Variants in MDGA1 observed in about 807,000 individuals in gnomAD.
MDGA1 encodes MAM domain-containing glycosylphosphatidylinositol anchor protein 1.
Under a neutral mutation model 101.5 loss-of-function variants are expected in MDGA1, and 54 were observed. The ratio of observed to expected loss-of-function variants is 0.53; its 90% CI spans 0.43 to 0.67. The LOEUF is 0.67. MDGA1 is among the 30% of genes least tolerant of loss of function. The pLI, the probability that MDGA1 is intolerant of heterozygous loss-of-function variation, is 0.00. For missense variants in MDGA1, 1,083 were observed against 1,323.8 expected (o/e 0.82, Z 2.82); for synonymous variants, 533 against 558.3 (o/e 0.95, Z 0.64).
chr6:37,681,053 G>T (rs931182115), intron 1 of MDGA1, among the ~76,000 whole-genome samples: 2 of 152,200 alleles, frequency 1.3e-5, no homozygotes, highest in Non-Finnish European at 2.9e-5. Flanking sequence ...TGGCATGGGG[G>T]GTTAAGGGGG....
At chr6:37,656,019 G>T in intron 3 of MDGA1, 123 bp from the exon 4 acceptor site, 1 of 724,084 alleles carries the variant, frequency 1.4e-6, no homozygotes, top group Non-Finnish European at 2.2e-6. Context: ...ATTGCCAGAT[G>T]CCCTCTCAGC....
chr6:37,638,521 G>C lies in MDGA1; in HGVS notation c.2667+16C>G. Reference sequence around the variant, plus strand: ...CACCGAAGCCGGGGAGGGTCCTCTGGGCCCTACGGACTCACCTGGAAGGGC... The same window carrying C: ...CACCGAAGCCGGGGAGGGTCCTCTGCGCCCTACGGACTCACCTGGAAGGGC... On this transcript the variant is annotated intron_variant, in intron 15 of 16. Coordinates refer to ENST00000434837, the MANE Select transcript of MDGA1 (RefSeq NM_153487.4). The surrounding 1 kb of genome is among the most constrained non-coding windows in gnomAD (Gnocchi z 4.8). 6.2e-7 allele frequency: 1 copy of C among 1,613,578 alleles called. No individual in the cohort carries two copies. The highest frequency in any genetic ancestry group is 1.1e-5 in the South Asian group (1 of 91,072).
chr6:37,657,992 G>A (rs1761530218), intron 3 of MDGA1, among the ~76,000 whole-genome samples: 1 of 152,234 alleles, frequency 6.6e-6, no homozygotes, highest in Non-Finnish European at 1.5e-5. Flanking sequence ...ATCTGCAGAA[G>A]GAGTGTAAAT....
chr6:37,658,832 G>A (rs1177771020), intron 2 of MDGA1, among the ~76,000 whole-genome samples: 7 of 152,006 alleles, frequency 4.6e-5, no homozygotes, highest in African/African-American at 9.7e-5. Flanking sequence ...TTAGCCGGGC[G>A]TTATGGCGCG....
At chr6:37,673,181 G>A (rs1021496808) in intron 1 of MDGA1, among the ~76,000 whole-genome samples, 9 of 152,146 alleles carry the variant, frequency 5.9e-5, no homozygotes, top group Admixed American at 2.6e-4. Flanking sequence ...CATGCTAACC[G>A]CCATGCATTT....
At chr6:37,640,163 T>A (rs1764032168) in intron 14 of MDGA1, among the ~76,000 whole-genome samples, 1 of 151,964 alleles carries the variant, frequency 6.6e-6, no homozygotes, top group Admixed American at 6.6e-5. Flanking sequence ...GGAGGTGGTG[T>A]TTTTGACAGC....
chr6:37,645,996 G>A (rs2114009073), intron 11 of MDGA1, 40 bp from the exon 12 acceptor site: 2 of 1,613,910 alleles, frequency 1.2e-6, no homozygotes, highest in Middle Eastern at 1.6e-4. Context: ...GAACTGAGGT[G>A]TGGGGCTCTG....
intron 3 of MDGA1, among the ~76,000 whole-genome samples, chr6:37,657,159 T>A (rs78100117): frequency 6.6e-6 from 1 of 151,018 alleles, no homozygotes; most frequent in Non-Finnish European, 1.5e-5. Context: ...ATCCTCACTT[T>A]AAAAAAATAA....
rs1349172807 is a variant in MDGA1 at position 37,697,060 on chromosome 6, C to T, written c.-249G>A. 1.0e-5 allele frequency: 4 copies of T among 392,350 alleles called. No homozygotes were observed. The highest frequency in any genetic ancestry group is 1.3e-5 in the Non-Finnish European group (3 of 223,170). The allele number at this position is 392,350 out of a possible 1,614,324, so 24.3% of individuals were successfully genotyped here. On this transcript the variant is annotated 5_prime_UTR_variant, in exon 1 of 17. Transcript: ENST00000434837. The stretch of plus-strand genomic sequence containing the variant: ...CCAGCCCCGGGTGCCTCGGCGCGCC[C>T]GGCACAGCAGCCAGCGCCCCGACCC...
At chr6:37,664,352 T>C (rs1320488199) in intron 1 of MDGA1, 3 of 498,910 alleles carry the variant, frequency 6.0e-6, no homozygotes, top group African/African-American at 1.9e-5. Context: ...TGCTTTTCAG[T>C]GGGCTGATTG....
intron 2 of MDGA1, among the ~76,000 whole-genome samples, chr6:37,662,254 G>A (rs1350884575): frequency 6.6e-6 from 1 of 151,984 alleles, no homozygotes; most frequent in East Asian, 1.9e-4. Flanking sequence ...CGACAGGACT[G>A]ATAGGCTGAC....
chr6:37,675,369 C>A (rs1014638932), intron 1 of MDGA1, among the ~76,000 whole-genome samples: 1 of 152,192 alleles, frequency 6.6e-6, no homozygotes, highest in African/African-American at 2.4e-5. Context: ...TTCGATGAGA[C>A]AATGCACATC....
rs80144359 is a variant in MDGA1 at position 37,631,378 on chromosome 6, T to C, written c.*5990A>G. On this transcript the variant is annotated 3_prime_UTR_variant, in exon 17 of 17. Transcript: ENST00000434837. ...AGTCCCTTAGACCCTTCCTCTTCCA[T>C]TAGAAAAGAAAGGCCAGGTGTGCCA... 8 of 152,174 alleles carry C rather than the reference T, an allele frequency of 5.3e-5. No individual in the cohort carries two copies. In the East Asian group the frequency reaches 9.7e-4, roughly 18 times the overall value. The allele number at this position is 152,174 out of a possible 1,614,324, so 9.4% of individuals were successfully genotyped here.
intron 14 of MDGA1, among the ~76,000 whole-genome samples, chr6:37,641,140 G>T (rs1764066593): frequency 6.6e-6 from 1 of 152,150 alleles, no homozygotes; most frequent in Non-Finnish European, 1.5e-5. Context: ...CCCAGACCTT[G>T]TGTCTTGCTG....
Position 37,635,698 on chromosome 6 carries a change from G to C in MDGA1, c.*1670C>G, listed in dbSNP as rs551646085. ...CTGTCCCCACCAAATGCTCCAGAAG[G>C]AGCCCTGTGATGCTCCTCACCAAAG... On this transcript the variant is annotated 3_prime_UTR_variant, in exon 17 of 17. Transcript: ENST00000434837. 1 of 398,672 alleles carries C rather than the reference G, an allele frequency of 2.5e-6. No homozygotes were observed. The highest frequency in any genetic ancestry group is 1.3e-4 in the South Asian group (1 of 7,858). The allele number at this position is 398,672 out of a possible 1,614,324, so 24.7% of individuals were successfully genotyped here.
intron 1 of MDGA1, among the ~76,000 whole-genome samples, chr6:37,685,971 A>G (rs1762189127): frequency 6.6e-6 from 1 of 152,194 alleles, no homozygotes; most frequent in African/African-American, 2.4e-5. Context: ...CTTTCATTCA[A>G]GAAACACCAA....
At position 37,652,238 on chromosome 6, in the gene MDGA1, A is replaced by G; in HGVS notation, c.1085T>C (p.Val362Ala). The G allele has an allele frequency of 6.2e-7, 1 of 1,613,990 alleles. No homozygotes were observed. Among genetic ancestry groups the G allele is most frequent in the East Asian group, 2.2e-5 (1 of 44,884 alleles). ...CTGGTAGGTCACCTTCTCCTGGGGC[A>G]CTGCATCCACGTGGCACGATAGCTT... is the stretch of plus-strand genomic sequence containing the variant. ...DLKLSCHVDA[V>A]PQEKVTYQWF... The change falls in exon 7 of 17, where the codon GTG becomes GCG. Residue 362 changes from valine to alanine, a missense_variant. Coordinates refer to ENST00000434837, the MANE Select transcript of MDGA1 (RefSeq NM_153487.4). This position sits in a 1 kb window ranked among gnomAD's most constrained non-coding sequence, Gnocchi z 4.3.
chr6:37,688,447 G>A (rs1260514287), intron 1 of MDGA1, among the ~76,000 whole-genome samples: 1 of 152,150 alleles, frequency 6.6e-6, no homozygotes, highest in African/African-American at 2.4e-5. Context: ...AAGAGCCTGG[G>A]GTGGAATCTT....
Position 37,696,885 on chromosome 6 carries a change from C to T in MDGA1, c.-74G>A. 2 of 1,236,580 alleles carry T rather than the reference C, an allele frequency of 1.6e-6. No individual in the cohort carries two copies. Among genetic ancestry groups the T allele is most frequent in the Non-Finnish European group, 2.3e-6 (2 of 862,098 alleles). The allele number at this position is 1,236,580 out of a possible 1,614,324, so 76.6% of individuals were successfully genotyped here. A position where few individuals can be genotyped will look rare whatever the true frequency, so the allele number is the denominator to read the frequency against. ...GGCGGGGGGCGCATTCGCCGGGGCCCCGCGACGCCCCTATGTCCCCCCCTT... is the reference window on the plus strand; with the variant it reads ...GGCGGGGGGCGCATTCGCCGGGGCCTCGCGACGCCCCTATGTCCCCCCCTT... On this transcript the variant is annotated 5_prime_UTR_variant, in exon 1 of 17. Coordinates refer to ENST00000434837, the MANE Select transcript of MDGA1 (RefSeq NM_153487.4). The surrounding 1 kb of genome is among the most constrained non-coding windows in gnomAD (Gnocchi z 5.6).
Sources: gnomAD v4.1 joint callset for allele counts (sites outside exome capture counted in the v4.1 genomes callset) on GRCh38, gnomAD v4.1.1 for gene constraint, Gnocchi (gnomAD v3.1) non-coding constraint, MANE v1.5 for transcripts, NCBI Gene and HGNC (gene_info 2026-07-23, HGNC 2026-07-21) for gene names.